TDRD10: variants seen among roughly 807,000 people sequenced by gnomAD.
The protein encoded by TDRD10 is tudor domain-containing protein 10.
Under a neutral mutation model 48.0 loss-of-function variants are expected in TDRD10, and 40 were observed. The ratio of observed to expected loss-of-function variants is 0.83; its 90% CI spans 0.65 to 1.09. The LOEUF (loss-of-function observed/expected upper bound fraction) is 1.09. Ranked by LOEUF, TDRD10 falls within the 50% of genes least tolerant of loss-of-function variation. The probability of loss-of-function intolerance (pLI) is 0.00; values close to 1 mark genes in which losing one functional copy is unlikely to be tolerated. For synonymous variants in TDRD10, 162 were observed against 170.4 expected, an observed-to-expected ratio of 0.95 and a Z score of 0.38; for missense variants, 378 against 434.7, an observed-to-expected ratio of 0.87 and a Z score of 1.16.
chr1:154,531,425 G>A (rs1694612621), intron 6 of TDRD10, among the ~76,000 whole-genome samples: 1 of 152,202 alleles, frequency 6.6e-6, no homozygotes, highest in East Asian at 1.9e-4. Flanking sequence ...CTGATGTTCG[G>A]ATGTGTTCAG....
intron 6 of TDRD10, among the ~76,000 whole-genome samples, chr1:154,532,959 A>G (rs1694717165): frequency 7.0e-6 from 1 of 143,186 alleles, no homozygotes; most frequent in South Asian, 2.3e-4. Flanking sequence ...ACTCTCCACT[A>G]CACTTCTGAC....
At chr1:154,519,631 G>T (rs59239860) in intron 4 of TDRD10, among the ~76,000 whole-genome samples, 23,542 of 152,158 alleles carry the variant, frequency 0.15, 2,432 homozygotes, top group South Asian at 0.23. Context: ...GGAGTGGGCA[G>T]GGAGGAAATG....
intron 11 of TDRD10, among the ~76,000 whole-genome samples, chr1:154,545,865 A>T (rs909256373): frequency 9.7e-5 from 14 of 144,772 alleles, no homozygotes; most frequent in Admixed American, 2.8e-4. Flanking sequence ...CCGCCTCCCA[A>T]GTTCACATAA....
At chr1:154,515,925 C>G (rs1352144876) in intron 4 of TDRD10, among the ~76,000 whole-genome samples, 2 of 152,138 alleles carry the variant, frequency 1.3e-5, no homozygotes, top group East Asian at 3.9e-4. Context: ...CCATGTTGGC[C>G]AGGCTGATCT....
intron 2 of TDRD10, 166 bp downstream of exon 2, chr1:154,507,071 C>T (rs1693187280): frequency 1.0e-6 from 1 of 985,324 alleles, no homozygotes; most frequent in Non-Finnish European, 1.2e-6. Flanking sequence ...TTTAAAAGGT[C>T]CAGTGGAGGG....
chr1:154,543,822 G>T lies in TDRD10; in HGVS notation c.504-141G>T. On this transcript the variant is annotated intron_variant, in intron 8 of 12. Coordinates refer to ENST00000368482, the MANE Select transcript of TDRD10 (RefSeq NM_182499.4). ...AACTGGCTTTAGCTCCCACCCTAGA[G>T]GGGGTGGGCACAGCCTTTCTGCTTA... is the stretch of plus-strand genomic sequence containing the variant. 3.2e-6 allele frequency: 4 copies of T among 1,265,314 alleles called. No individual in the cohort carries two copies. The East Asian group carries it at 7.0e-5, about 22-fold the overall frequency. The allele number at this position is 1,265,314 out of a possible 1,614,324, so 78.4% of individuals were successfully genotyped here. A position where few individuals can be genotyped will look rare whatever the true frequency, so the allele number is the denominator to read the frequency against.
At chr1:154,531,692 A>G (rs1470825935) in intron 6 of TDRD10, among the ~76,000 whole-genome samples, 1 of 152,208 alleles carries the variant, frequency 6.6e-6, no homozygotes, top group South Asian at 2.1e-4. Flanking sequence ...AAGCTTCCAC[A>G]GTGCGTAAGG....
chr1:154,538,192 TA>T (rs1387293096), intron 6 of TDRD10, among the ~76,000 whole-genome samples: 2 of 152,240 alleles, frequency 1.3e-5, no homozygotes, highest in African/African-American at 4.8e-5. Context: ...GCTTCTGTAT[TA>T]ATAATCATTT....
rs1238484944 is a variant in TDRD10 at position 154,507,282 on chromosome 1, T to C, written c.44T>C (p.Phe15Ser). 15 of 1,614,046 alleles carry C rather than the reference T, an allele frequency of 9.3e-6. No homozygotes were observed. The highest frequency in any genetic ancestry group is 1.2e-5 in the Non-Finnish European group (14 of 1,179,996). ...ISHPQLSDKL[F>S]GKNGVLEEQK... ...CACCCCCAACTCTCTGATAAACTGT[T>C]TGGGAAGAATGGAGTGTTGGAGGAG... Residue 15 changes from phenylalanine to serine, a missense_variant, in exon 3 of 13, where the codon TTT becomes TCT. Physicochemically the swap from Phe to Ser is radical, Grantham distance 155 (BLOSUM62 -2). Transcript: ENST00000368482.
Position 154,543,671 on chromosome 1 carries a change from C to G in TDRD10, c.504-292C>G, listed in dbSNP as rs567371802. Among the ~76,000 whole-genome samples, 4 of 152,238 alleles carry G rather than the reference C, an allele frequency of 2.6e-5. No homozygotes were observed. In the East Asian group the frequency reaches 7.7e-4, roughly 29 times the overall value. On this transcript the variant is annotated intron_variant, in intron 8 of 12. Transcript: ENST00000368482. ...AATCTACCCATTGAGGACTTTTATC[C>G]ACCTCTCTCGGAGTTTCTCAGTGTG...
intron 10 of TDRD10, 106 bp from the exon 11 acceptor site, chr1:154,544,689 C>T (rs944068596): frequency 6.6e-6 from 10 of 1,506,422 alleles, no homozygotes; most frequent in Non-Finnish European, 8.0e-6. Flanking sequence ...AGCAAACTCG[C>T]TCTTCCTCCC....
In TDRD10 at chr1:154,544,007, T is replaced by C. The variant is rs1695405364; in HGVS notation, c.548T>C (p.Leu183Pro). The change falls in exon 9 of 13, where the codon CTG (leucine) becomes CCG (proline). Residue 183 changes from leucine (L) to proline (P), a missense_variant. Physicochemically the swap from Leu to Pro is moderately conservative, Grantham distance 98. Coordinates refer to ENST00000368482, the MANE Select transcript of TDRD10 (RefSeq NM_182499.4). Reference sequence around the variant, plus strand: ...CTCCTGAGGGAATGCTTCCGAGACCTGAGCTGGCTGGCACTCATCCATAGC... The same window carrying C: ...CTCCTGAGGGAATGCTTCCGAGACCCGAGCTGGCTGGCACTCATCCATAGC... ...VLLLRECFRD[L>P]SWLALIHSVR... is the part of the protein sequence containing the mutation. 1 of 1,613,212 alleles carries C rather than the reference T, an allele frequency of 6.2e-7. No individual in the cohort carries two copies. Among genetic ancestry groups the C allele is most frequent in the East Asian group, 2.2e-5 (1 of 44,782 alleles).
chr1:154,502,228 G>A lies in TDRD10; in HGVS notation c.-829G>A, dbSNP rs1403516779. 1.8e-5 allele frequency: 5 copies of A among 273,926 alleles called. No individual in the cohort carries two copies. Among genetic ancestry groups the A allele is most frequent in the Admixed American group, 5.5e-5 (1 of 18,114 alleles). 17.0% of individuals were successfully genotyped at this position (273,926 alleles called of 1,614,324 possible). On this transcript the variant is annotated 5_prime_UTR_variant, in exon 1 of 13. Transcript: ENST00000368482. ...GGCCCCGCCCGGGCTCGTCTTCAAC[G>A]CCTGCCCGGCCCGAGGACACCGTGG...
intron 5 of TDRD10, 46 bp downstream of exon 5, chr1:154,520,420 C>T (rs1693996871): frequency 6.6e-7 from 1 of 1,505,898 alleles, no homozygotes; most frequent in African/African-American, 1.4e-5. Context: ...CAGCTCCTTT[C>T]CTCCCTGTCC....
At position 154,542,065 on chromosome 1, in the gene TDRD10, C is replaced by T. The variant is rs144919505; in HGVS notation, c.411C>T (p.Ala137=). Residue 137 remains alanine, a splice_region_variant and synonymous_variant, in exon 7 of 13, where the codon GCC becomes GCT. Coordinates refer to ENST00000368482, the MANE Select transcript of TDRD10 (RefSeq NM_182499.4). ...CTGGTGAAGGATTTGGCAAAACCGCCGGTGAGATTCTGCGCTGCCATCCTT... is the reference window on the plus strand; with the variant it reads ...CTGGTGAAGGATTTGGCAAAACCGCTGGTGAGATTCTGCGCTGCCATCCTT... The part of the protein sequence containing the change: ...KASGEGFGKT[A]AIIQLAPKAP... The T allele has an allele frequency of 9.5e-5, 154 of 1,613,900 alleles. No individual in the cohort carries two copies. The highest frequency in any genetic ancestry group is 3.3e-4 in the East Asian group (15 of 44,884).
At chr1:154,505,934 T>C (rs1439180098) in intron 1 of TDRD10, among the ~76,000 whole-genome samples, 1 of 152,228 alleles carries the variant, frequency 6.6e-6, no homozygotes, top group Admixed American at 6.5e-5. Flanking sequence ...TGATTCTGAC[T>C]TGACAGATGA....
At chr1:154,533,622 G>T (rs1394018882) in intron 6 of TDRD10, among the ~76,000 whole-genome samples, 1 of 151,738 alleles carries the variant, frequency 6.6e-6, no homozygotes, top group South Asian at 2.1e-4. Flanking sequence ...CAGAGTGGAG[G>T]TTCTAAGAAT....
Position 154,542,776 on chromosome 1 carries a change from C to T in TDRD10, c.458C>T (p.Thr153Ile), listed in dbSNP as rs1327860269. The change falls in exon 8 of 13, where the codon ACA becomes ATA. Residue 153 changes from threonine to isoleucine, a missense_variant. By Grantham distance (89) the Thr-to-Ile change is moderately conservative. Transcript: ENST00000368482. ...APKAPVDLCETEKLRAAFFAV... is the reference protein window; with the variant it reads ...APKAPVDLCEIEKLRAAFFAV... Reference sequence around the variant, plus strand: ...AAAGCTCCTGTTGACCTGTGTGAGACAGAGAAACTGAGGGCAGCCTTCTTT... The same window carrying T: ...AAAGCTCCTGTTGACCTGTGTGAGATAGAGAAACTGAGGGCAGCCTTCTTT... 1.2e-6 allele frequency: 2 copies of T among 1,613,978 alleles called. No homozygotes were observed. The highest frequency in any genetic ancestry group is 1.7e-6 in the Non-Finnish European group (2 of 1,179,924).
At chr1:154,529,733 C>CG (rs1296333902) in intron 6 of TDRD10, among the ~76,000 whole-genome samples, 3 of 151,486 alleles carry the variant, frequency 2.0e-5, no homozygotes, top group Non-Finnish European at 4.4e-5. Flanking sequence ...TTAGTAGATA[C>CG]GGGGTTTCAC....
Sources: gnomAD v4.1 joint callset for allele counts (sites outside exome capture counted in the v4.1 genomes callset) on GRCh38, gnomAD v4.1.1 for gene constraint, MANE v1.5 for transcripts, NCBI Gene and HGNC (gene_info 2026-07-23, HGNC 2026-07-21) for gene names.